Variants in SUGCT observed in about 807,000 individuals in gnomAD.
The protein encoded by SUGCT is succinyl-CoA:glutarate-CoA transferase.
In SUGCT, 41 loss-of-function variants were observed where a neutral mutation model predicts 55.0. The ratio of observed to expected loss-of-function variants is 0.74; its 90% confidence interval spans 0.58 to 0.97. The LOEUF (loss-of-function observed/expected upper bound fraction) is 0.97, where lower values mean the gene tolerates loss of function less well. Among genes scored for constraint, SUGCT ranks in the 50% least tolerant of loss-of-function variants. SUGCT has a pLI of 0.00. For missense variants in SUGCT, 568 were observed against 547.8 expected, an observed-to-expected ratio of 1.04 and a Z score of -0.37; for synonymous variants, 187 against 200.4, an observed-to-expected ratio of 0.93 and a Z score of 0.56.
chr7:40,913,791 A>G, the SUGCT span, among the ~76,000 whole-genome samples: 23,368 of 152,098 alleles, frequency 0.15, 2,120 homozygotes, highest in African/African-American at 0.26. Flanking sequence ...TATCTGCAGT[A>G]TGCTCCTCTC....
chr7:40,479,527 G>A (rs556543395), intron 11 of SUGCT, among the ~76,000 whole-genome samples: 62 of 152,224 alleles, frequency 4.1e-4, no homozygotes, highest in East Asian at 9.6e-4. Context: ...TCTGTATTAA[G>A]TGATGTATGA....
At chr7:40,936,601 A>T in the SUGCT span, among the ~76,000 whole-genome samples, 1 of 151,524 alleles carries the variant, frequency 6.6e-6, no homozygotes, top group South Asian at 2.1e-4. Flanking sequence ...TATTTCATGT[A>T]TTTAGGTTCT....
the SUGCT span, among the ~76,000 whole-genome samples, chr7:40,925,535 T>C: frequency 6.6e-6 from 1 of 152,188 alleles, no homozygotes; most frequent in African/African-American, 2.4e-5. Context: ...GTGGTATTAT[T>C]CCCTATTCTG....
At chr7:40,989,668 G>A in the SUGCT span, among the ~76,000 whole-genome samples, 2 of 152,080 alleles carry the variant, frequency 1.3e-5, no homozygotes, top group Admixed American at 6.5e-5. Flanking sequence ...CTACTCCGGA[G>A]GCTGAGGCAG....
At chr7:40,352,132 G>C (rs775646652) in intron 9 of SUGCT, among the ~76,000 whole-genome samples, 1 of 152,146 alleles carries the variant, frequency 6.6e-6, no homozygotes, top group African/African-American at 2.4e-5. Flanking sequence ...ACCACATCTC[G>C]ATCTGTCTGC....
At chr7:40,479,849 T>G (rs2151485945) in intron 11 of SUGCT, among the ~76,000 whole-genome samples, 1 of 152,288 alleles carries the variant, frequency 6.6e-6, no homozygotes, top group East Asian at 1.9e-4. Flanking sequence ...GTCCTTTGCT[T>G]GTTTTTACAT....
At chr7:40,702,978 AG>A (rs1250364722) in intron 12 of SUGCT, among the ~76,000 whole-genome samples, 5 of 152,094 alleles carry the variant, frequency 3.3e-5, no homozygotes, top group Admixed American at 6.5e-5. Flanking sequence ...TGTTATTCCA[AG>A]GAAAAGCATC....
At chr7:40,541,273 G>A (rs1794661974) in intron 12 of SUGCT, among the ~76,000 whole-genome samples, 1 of 152,206 alleles carries the variant, frequency 6.6e-6, no homozygotes, top group South Asian at 2.1e-4. Context: ...AGAGAGCCAA[G>A]TAATGGCAGA....
chr7:40,394,166 T>C lies in SUGCT; in HGVS notation c.817-55121T>C, dbSNP rs537063877. On this transcript the variant is annotated intron_variant, in intron 9 of 13. Transcript: ENST00000335693. ...AGACTTGACTGCTCACAGGTGTTACTTGTCGAACTTAAAAAAAAATAATGA... is the reference window on the plus strand; with the variant it reads ...AGACTTGACTGCTCACAGGTGTTACCTGTCGAACTTAAAAAAAAATAATGA... Among the ~76,000 whole-genome samples the C allele has an allele frequency of 3.3e-5, 5 of 151,840 alleles. No individual in the cohort carries two copies. The East Asian group carries it at 9.6e-4, about 29-fold the overall frequency.
chr7:40,408,172 A>G (rs1786483922), intron 9 of SUGCT, among the ~76,000 whole-genome samples: 1 of 152,190 alleles, frequency 6.6e-6, no homozygotes, highest in South Asian at 2.1e-4. Context: ...TAAATGACAG[A>G]TGCTCTTGGT....
At chr7:40,790,309 G>A (rs1790247457) in intron 13 of SUGCT, among the ~76,000 whole-genome samples, 3 of 152,150 alleles carry the variant, frequency 2.0e-5, no homozygotes, top group Admixed American at 2.0e-4. Context: ...CTGCTGCCAT[G>A]TGAAGAAGGA....
At chr7:40,787,894 A>G (rs1161401019) in intron 13 of SUGCT, among the ~76,000 whole-genome samples, 1 of 152,134 alleles carries the variant, frequency 6.6e-6, no homozygotes, top group African/African-American at 2.4e-5. Flanking sequence ...CCCCGCATCA[A>G]AAGTGGAGAC....
At chr7:40,702,522 C>T (rs901200403) in intron 12 of SUGCT, among the ~76,000 whole-genome samples, 11 of 152,324 alleles carry the variant, frequency 7.2e-5, no homozygotes, top group Non-Finnish European at 1.5e-4. Context: ...GCCTTTTCCT[C>T]CTTCGTGTGC....
intron 1 of SUGCT, among the ~76,000 whole-genome samples, chr7:40,172,119 C>T (rs1221462282): frequency 6.6e-6 from 1 of 152,106 alleles, no homozygotes; most frequent in Non-Finnish European, 1.5e-5. Flanking sequence ...TTACTCAATT[C>T]GCTTTCATCC....
intron 12 of SUGCT, among the ~76,000 whole-genome samples, chr7:40,596,715 T>C (rs1584091058): frequency 6.6e-6 from 1 of 152,282 alleles, no homozygotes; most frequent in Non-Finnish European, 1.5e-5. Context: ...TATGAAGTGT[T>C]AAAGTTTACA....
intron 9 of SUGCT, among the ~76,000 whole-genome samples, chr7:40,358,732 T>C (rs13312135): frequency 0.56 from 83,749 of 149,216 alleles, 23,246 homozygotes; most frequent in South Asian, 0.65. Flanking sequence ...ACAACAACAA[T>C]AACAACAACA....
chr7:40,191,294 G>A (rs1230357031), intron 5 of SUGCT, among the ~76,000 whole-genome samples: 1 of 152,160 alleles, frequency 6.6e-6, no homozygotes, highest in Non-Finnish European at 1.5e-5. Context: ...TGGGATTACA[G>A]GCGTGAGCTA....
rs139756143 is a variant in SUGCT at position 40,321,542 on chromosome 7, C to T, written c.816+4687C>T. Among the ~76,000 whole-genome samples the T allele has an allele frequency of 4.4e-3, 667 of 151,376 alleles. 6 individuals carry two copies. Among genetic ancestry groups the T allele is most frequent in the African/African-American group, 0.015 (621 of 41,204 alleles). On this transcript the variant is annotated intron_variant, in intron 9 of 13. Transcript: ENST00000335693. ...GGACTATAGGCCTGTGCCACCATGC[C>T]TGGATAATTTTTGTATTTTTAGTAG...
chr7:40,451,077 C>G (rs984367), intron 10 of SUGCT, among the ~76,000 whole-genome samples: 21,208 of 151,548 alleles, frequency 0.14, 3,619 homozygotes, highest in African/African-American at 0.41. Flanking sequence ...TTATTATGAA[C>G]GGTCAATGTT....
Sources: gnomAD v4.1 joint callset for allele counts (sites outside exome capture counted in the v4.1 genomes callset) on GRCh38, gnomAD v4.1.1 for gene constraint, MANE v1.5 for transcripts, NCBI Gene and HGNC (gene_info 2026-07-23, HGNC 2026-07-21) for gene names.